PITPNM3: variants seen among roughly 807,000 people sequenced by gnomAD.
The protein encoded by PITPNM3 is membrane-associated phosphatidylinositol transfer protein 3.
A neutral mutation model predicts 102.0 loss-of-function variants in PITPNM3; 26 were observed. That is an observed-to-expected ratio of 0.25 (90% CI 0.19 to 0.35). The LOEUF (loss-of-function observed/expected upper bound fraction) is 0.35. PITPNM3 is among the 10% of genes least tolerant of loss of function. The pLI, the probability that PITPNM3 is intolerant of heterozygous loss-of-function variation, is 1.00. For missense variants in PITPNM3, 1,083 were observed against 1,346.1 expected (o/e 0.80, Z 3.06); for synonymous variants, 578 against 558.6 (o/e 1.03, Z -0.49).
At chr17:6,522,285 C>CGT (rs1339724420) in intron 3 of PITPNM3, among the ~76,000 whole-genome samples, 7 of 79,716 alleles carry the variant, frequency 8.8e-5, no homozygotes, top group Non-Finnish European at 1.7e-4. Context: ...ATTTAGTGTG[C>CGT]GCACACACAC....
At chr17:6,507,017 GA>G (rs1439124554) in intron 3 of PITPNM3, among the ~76,000 whole-genome samples, 1 of 152,230 alleles carries the variant, frequency 6.6e-6, no homozygotes, top group Non-Finnish European at 1.5e-5. Flanking sequence ...CCAGGGTGGG[GA>G]CAGCTGCCTC....
intron 14 of PITPNM3, among the ~76,000 whole-genome samples, chr17:6,466,218 C>T (rs1303576499): frequency 6.6e-6 from 1 of 152,240 alleles, no homozygotes. Context: ...CCCCACATTC[C>T]AGCCCATTCG....
intron 4 of PITPNM3, among the ~76,000 whole-genome samples, chr17:6,492,253 C>T (rs960110102): frequency 9.2e-5 from 14 of 151,662 alleles, no homozygotes; most frequent in African/African-American, 2.7e-4. Context: ...TTAGTAAAGA[C>T]GGGGCTTCAC....
At chr17:6,545,920 A>G (rs944653887) in intron 1 of PITPNM3, among the ~76,000 whole-genome samples, 2 of 152,194 alleles carry the variant, frequency 1.3e-5, no homozygotes, top group Admixed American at 6.5e-5. Context: ...GGCTGGGCAC[A>G]CAGAAGGCTC....
At position 6,537,896 on chromosome 17, in the gene PITPNM3, G is replaced by T; in HGVS notation, c.118+91C>A. On this transcript the variant is annotated intron_variant, in intron 2 of 19. Coordinates refer to ENST00000262483, the MANE Select transcript of PITPNM3 (RefSeq NM_031220.4). This position sits in a 1 kb window ranked among gnomAD's most constrained non-coding sequence, Gnocchi z 4.4. ...GGAGCTGCAGATACCACGTCTGAGT[G>T]GGGAGGGATGCGGACCCCCAAATGG... The T allele has an allele frequency of 9.6e-7, 1 of 1,045,128 alleles. No individual in the cohort carries two copies. The highest frequency in any genetic ancestry group is 1.5e-6 in the Non-Finnish European group (1 of 681,024). 64.7% of individuals were successfully genotyped at this position (1,045,128 alleles called of 1,614,324 possible). A position where few individuals can be genotyped will look rare whatever the true frequency, so the allele number is the denominator to read the frequency against.
At position 6,459,961 on chromosome 17, in the gene PITPNM3, C is replaced by T. The variant is rs904013068; in HGVS notation, c.2490+1412G>A. Among the ~76,000 whole-genome samples the T allele has an allele frequency of 2.0e-5, 3 of 152,088 alleles. No homozygotes were observed. Among genetic ancestry groups the T allele is most frequent in the African/African-American group, 4.8e-5 (2 of 41,400 alleles). On this transcript the variant is annotated intron_variant, in intron 18 of 19. Coordinates refer to ENST00000262483, the MANE Select transcript of PITPNM3 (RefSeq NM_031220.4). The surrounding 1 kb of genome is among the most constrained non-coding windows in gnomAD (Gnocchi z 5.0). ...ACAGCCCCCTAACTGGCCTCCCTGCCTCCAGTTTCTCCTGCCAATCTGTTC... is the reference window on the plus strand; with the variant it reads ...ACAGCCCCCTAACTGGCCTCCCTGCTTCCAGTTTCTCCTGCCAATCTGTTC...
In PITPNM3 at chr17:6,465,130, G is replaced by A. The variant is rs148872597; in HGVS notation, c.1891-359C>T. 2.2e-3 allele frequency among the ~76,000 whole-genome samples: 338 copies of A among 152,264 alleles called. 1 individual carries two copies. Among genetic ancestry groups the A allele is most frequent in the Non-Finnish European group, 3.6e-3 (247 of 68,034 alleles). On this transcript the variant is annotated intron_variant, in intron 14 of 19. Transcript: ENST00000262483. ...TGCAATGGCGCAATCTCGGCTCACC[G>A]CAACCTCCCGGGTTCAAGCAATTCT...
chr17:6,487,500 C>T (rs115062953), intron 4 of PITPNM3, among the ~76,000 whole-genome samples: 2,183 of 152,266 alleles, frequency 0.014, 58 homozygotes, highest in African/African-American at 0.05. Flanking sequence ...GGTGCCAAGT[C>T]CCTCCCTGAG....
chr17:6,455,064 T>G lies in PITPNM3; in HGVS notation c.*274A>C. On this transcript the variant is annotated 3_prime_UTR_variant, in exon 20 of 20. Coordinates refer to ENST00000262483, the MANE Select transcript of PITPNM3 (RefSeq NM_031220.4). The stretch of plus-strand genomic sequence containing the variant: ...GCCCCGGGCAAGCCTGCCCCCAGGA[T>G]GACACAAACATGAACCCTGACTTGG... The G allele has an allele frequency of 2.0e-6, 1 of 489,072 alleles. No homozygotes were observed. Among genetic ancestry groups the G allele is most frequent in the Non-Finnish European group, 3.6e-6 (1 of 281,016 alleles). 30.3% of individuals were successfully genotyped at this position (489,072 alleles called of 1,614,324 possible).
intron 17 of PITPNM3, among the ~76,000 whole-genome samples, chr17:6,462,067 G>A (rs1335269029): frequency 1.3e-5 from 2 of 151,932 alleles, no homozygotes; most frequent in African/African-American, 4.8e-5. Context: ...CTGTAACCCT[G>A]GGCAGATTAC....
Position 6,511,749 on chromosome 17 carries a change from C to T in PITPNM3, c.227-8175G>A, listed in dbSNP as rs146519976. On this transcript the variant is annotated intron_variant, in intron 3 of 19. Coordinates refer to ENST00000262483, the MANE Select transcript of PITPNM3 (RefSeq NM_031220.4). ...CTGTAGTCCCAGCACTTAGGGAGGC[C>T]GAGGTGGGTGGATCATGAGGTCAGG... Among the ~76,000 whole-genome samples, 870 of 152,132 alleles carry T rather than the reference C, an allele frequency of 5.7e-3. 25 individuals carry two copies. Among genetic ancestry groups the T allele is most frequent in the Admixed American group, 0.041 (629 of 15,286 alleles).
chr17:6,554,857 G>C (rs949783645), intron 1 of PITPNM3, among the ~76,000 whole-genome samples: 2 of 152,164 alleles, frequency 1.3e-5, no homozygotes, highest in African/African-American at 4.8e-5. Flanking sequence ...CCAGGATCAC[G>C]GTACAGTAAA....
In PITPNM3 at chr17:6,468,703, G is replaced by A. The variant is rs1011672088; in HGVS notation, c.1774-362C>T. On this transcript the variant is annotated intron_variant, in intron 13 of 19. Coordinates refer to ENST00000262483, the MANE Select transcript of PITPNM3 (RefSeq NM_031220.4). The surrounding 1 kb of genome is among the most constrained non-coding windows in gnomAD (Gnocchi z 5.2). Reference sequence around the variant, plus strand: ...CAGCCCCTCCTTGCTTCTTGAGGACGTTGCTCCAGCCATGCTCCCCTCCCA... The same window carrying A: ...CAGCCCCTCCTTGCTTCTTGAGGACATTGCTCCAGCCATGCTCCCCTCCCA... 4.6e-5 allele frequency among the ~76,000 whole-genome samples: 7 copies of A among 152,220 alleles called. No individual in the cohort carries two copies. The highest frequency in any genetic ancestry group is 2.1e-4 in the South Asian group (1 of 4,828).
intron 4 of PITPNM3, among the ~76,000 whole-genome samples, chr17:6,488,973 G>C (rs1906265574): frequency 6.6e-6 from 1 of 152,200 alleles, no homozygotes; most frequent in South Asian, 2.1e-4. Context: ...CGCAGTGCCA[G>C]CTCCCAGTGC....
chr17:6,524,181 C>T (rs1302150236), intron 3 of PITPNM3, among the ~76,000 whole-genome samples: 2 of 152,198 alleles, frequency 1.3e-5, no homozygotes, highest in Non-Finnish European at 2.9e-5. Flanking sequence ...CAGCCGTTCC[C>T]GTGGGCTGGG....
Position 6,556,538 on chromosome 17 carries a change from GCCACC to G in PITPNM3, c.-137_-133del. Reference sequence around the variant, plus strand: ...CCCCGCCCCGCTCGCCTCGGCTGCCGCCACCGCAGCCGCCGCCGCCTCGCCGCTCC... The same window carrying G: ...CCCCGCCCCGCTCGCCTCGGCTGCCGGCAGCCGCCGCCGCCTCGCCGCTCC... On this transcript the variant is annotated 5_prime_UTR_variant, in exon 1 of 20. Coordinates refer to ENST00000262483, the MANE Select transcript of PITPNM3 (RefSeq NM_031220.4). The surrounding 1 kb of genome is among the most constrained non-coding windows in gnomAD (Gnocchi z 5.2). 1 of 515,926 alleles carries G rather than the reference GCCACC, an allele frequency of 1.9e-6. No individual in the cohort carries two copies. The highest frequency in any genetic ancestry group is 2.5e-6 in the Non-Finnish European group (1 of 405,328). The allele number at this position is 515,926 out of a possible 1,614,324, so 32.0% of individuals were successfully genotyped here.
intron 4 of PITPNM3, among the ~76,000 whole-genome samples, chr17:6,502,410 C>T (rs1467488479): frequency 3.3e-5 from 5 of 152,088 alleles, no homozygotes; most frequent in East Asian, 1.9e-4. Context: ...GAGCCGAGAT[C>T]GTGCCATTGC....
intron 3 of PITPNM3, among the ~76,000 whole-genome samples, chr17:6,518,818 C>T (rs898659720): frequency 1.3e-5 from 2 of 152,100 alleles, no homozygotes; most frequent in South Asian, 2.1e-4. Context: ...TCATAACTTT[C>T]GGAAGTTAAT....
intron 1 of PITPNM3, among the ~76,000 whole-genome samples, chr17:6,547,384 C>A (rs2150677522): frequency 6.6e-6 from 1 of 152,316 alleles, no homozygotes; most frequent in South Asian, 2.1e-4. Context: ...ATTTGCTCTG[C>A]CAATTAGGCT....
Sources: gnomAD v4.1 joint callset for allele counts (sites outside exome capture counted in the v4.1 genomes callset) on GRCh38, gnomAD v4.1.1 for gene constraint, Gnocchi (gnomAD v3.1) non-coding constraint, MANE v1.5 for transcripts, NCBI Gene and HGNC (gene_info 2026-07-23, HGNC 2026-07-21) for gene names.